The following VAV3 variants were observed in gnomAD, a reference collection of about 807,000 sequenced individuals.
VAV3 encodes vav guanine nucleotide exchange factor 3.
A neutral mutation model predicts 131.2 loss-of-function variants in VAV3; 94 were observed. That is an observed-to-expected ratio of 0.72 (90% CI 0.61 to 0.85). VAV3 has a LOEUF of 0.85. Among genes scored for constraint, VAV3 ranks in the 40% least tolerant of loss-of-function variants. The pLI, the probability that VAV3 is intolerant of heterozygous loss-of-function variation, is 0.00. For missense variants in VAV3, 939 were observed against 1,002.7 expected (o/e 0.94, Z 0.86); for synonymous variants, 349 against 342.0 (o/e 1.02, Z -0.22).
intron 2 of VAV3, among the ~76,000 whole-genome samples, chr1:107,829,915 G>A (rs1318946883): frequency 6.6e-6 from 1 of 152,022 alleles, no homozygotes; most frequent in Non-Finnish European, 1.5e-5. Flanking sequence ...CGAGAGATAA[G>A]ATATCTGCTA....
chr1:107,959,701 C>G (rs1283114773), intron 1 of VAV3, among the ~76,000 whole-genome samples: 1 of 152,048 alleles, frequency 6.6e-6, no homozygotes. Context: ...GTGGTATCAC[C>G]CAGTCTCATG....
chr1:107,946,842 C>T (rs1487386314), intron 1 of VAV3, among the ~76,000 whole-genome samples: 1 of 152,158 alleles, frequency 6.6e-6, no homozygotes, highest in Non-Finnish European at 1.5e-5. Flanking sequence ...GGGAAATAGA[C>T]ATTAATAACA....
In VAV3 at chr1:107,840,946, A is replaced by T. The variant is rs1668678003; in HGVS notation, c.321+33955T>A. Among the ~76,000 whole-genome samples, 3 of 152,238 alleles carry T rather than the reference A, an allele frequency of 2.0e-5. No homozygotes were observed. In the South Asian group the frequency reaches 6.2e-4, roughly 32 times the overall value. On this transcript the variant is annotated intron_variant, in intron 2 of 26. Coordinates refer to ENST00000370056, the MANE Select transcript of VAV3 (RefSeq NM_006113.5). Reference sequence around the variant, plus strand: ...TAAAAAAAAAAAAAATTCATCTGGCAATCAAATAGCTTATACGGGAAGGCT... The same window carrying T: ...TAAAAAAAAAAAAAATTCATCTGGCTATCAAATAGCTTATACGGGAAGGCT...
intron 1 of VAV3, among the ~76,000 whole-genome samples, chr1:107,941,481 T>G (rs775538935): frequency 6.6e-6 from 1 of 152,218 alleles, no homozygotes; most frequent in Non-Finnish European, 1.5e-5. Flanking sequence ...GAACTTCTTT[T>G]GATTCCAGAA....
chr1:107,792,204 T>C (rs1666322008), intron 2 of VAV3, among the ~76,000 whole-genome samples: 1 of 152,204 alleles, frequency 6.6e-6, no homozygotes, highest in Non-Finnish European at 1.5e-5. Flanking sequence ...ACCATCACAC[T>C]GCTAAAGCAA....
chr1:107,963,988 G>A (rs1305780021), intron 1 of VAV3, among the ~76,000 whole-genome samples: 11 of 152,234 alleles, frequency 7.2e-5, no homozygotes, highest in Non-Finnish European at 1.6e-4. Flanking sequence ...AGGAAGGAAA[G>A]CGGAATCTCT....
chr1:107,916,961 T>C (rs75598733), intron 1 of VAV3, among the ~76,000 whole-genome samples: 4,296 of 152,128 alleles, frequency 0.028, 99 homozygotes, highest in East Asian at 0.1. Context: ...GGATGTAAAG[T>C]GTGAAGGCAG....
chr1:107,889,688 A>T (rs1401385091), intron 1 of VAV3, among the ~76,000 whole-genome samples: 1 of 152,234 alleles, frequency 6.6e-6, no homozygotes, highest in African/African-American at 2.4e-5. Context: ...ATAACTACTG[A>T]AGAAATAGCC....
At chr1:107,630,734 T>C (rs1654403863) in intron 20 of VAV3, among the ~76,000 whole-genome samples, 1 of 152,166 alleles carries the variant, frequency 6.6e-6, no homozygotes, top group Non-Finnish European at 1.5e-5. Context: ...ATGTCTTCTT[T>C]GAGTATGAAA....
intron 2 of VAV3, among the ~76,000 whole-genome samples, chr1:107,784,980 C>T (rs1214562601): frequency 2.0e-5 from 3 of 152,172 alleles, no homozygotes; most frequent in South Asian, 2.1e-4. Context: ...ACATTTTCAA[C>T]CAATGATGAT....
intron 1 of VAV3, among the ~76,000 whole-genome samples, chr1:107,921,343 T>C (rs1032791456): frequency 6.6e-6 from 1 of 152,216 alleles, no homozygotes; most frequent in Non-Finnish European, 1.5e-5. Context: ...CACTGCATAA[T>C]ACTTCACTTA....
rs568119300 is a variant in VAV3 at position 107,597,281 on chromosome 1, C to G, written c.2221-940G>C. Among the ~76,000 whole-genome samples, 7 of 150,066 alleles carry G rather than the reference C, an allele frequency of 4.7e-5. No homozygotes were observed. The South Asian group carries it at 1.5e-3, about 32-fold the overall frequency. ...TTGTTTCTTCTAAAAATCCCACTGC[C>G]ATCAACTTAATATCTCTGTTCAGTG... On this transcript the variant is annotated intron_variant, in intron 24 of 26. Coordinates refer to ENST00000370056, the MANE Select transcript of VAV3 (RefSeq NM_006113.5).
intron 20 of VAV3, among the ~76,000 whole-genome samples, chr1:107,629,763 T>C (rs1265746015): frequency 1.3e-5 from 2 of 152,146 alleles, no homozygotes. Flanking sequence ...AGCCCATTCA[T>C]TCAATAGCAT....
intron 2 of VAV3, among the ~76,000 whole-genome samples, chr1:107,811,280 A>T (rs963860951): frequency 6.6e-6 from 1 of 152,180 alleles, no homozygotes; most frequent in African/African-American, 2.4e-5. Flanking sequence ...GATGCTTTAC[A>T]CTCACAGATG....
intron 1 of VAV3, among the ~76,000 whole-genome samples, chr1:107,875,785 G>A (rs1177237579): frequency 6.6e-6 from 1 of 152,194 alleles, no homozygotes; most frequent in Non-Finnish European, 1.5e-5. Flanking sequence ...GTGGAGGCAG[G>A]AAAACCAGAC....
At chr1:107,736,410 A>G (rs1488303493) in intron 15 of VAV3, among the ~76,000 whole-genome samples, 3 of 152,150 alleles carry the variant, frequency 2.0e-5, no homozygotes, top group South Asian at 2.1e-4. Flanking sequence ...AAAAGAGGAA[A>G]TCAAATTGTC....
At chr1:107,925,735 A>C (rs980559856) in intron 1 of VAV3, among the ~76,000 whole-genome samples, 1 of 152,132 alleles carries the variant, frequency 6.6e-6, no homozygotes, top group East Asian at 1.9e-4. Context: ...ATTTGGGAAG[A>C]TGAGCTCTGG....
In VAV3 at chr1:107,915,896, T is replaced by C. The variant is rs1219001923; in HGVS notation, c.205-40879A>G. On this transcript the variant is annotated intron_variant, in intron 1 of 26. Transcript: ENST00000370056. The stretch of plus-strand genomic sequence containing the variant: ...TCCTGCCCTCATGAAGCATGTGGTC[T>C]AGTAGGAAAATTAGACACTATACAA... Among the ~76,000 whole-genome samples the C allele has an allele frequency of 3.9e-5, 6 of 152,132 alleles. No individual in the cohort carries two copies. The South Asian group carries it at 1.0e-3, about 26-fold the overall frequency.
chr1:107,662,885 G>C (rs1657124975), intron 19 of VAV3, among the ~76,000 whole-genome samples: 1 of 152,144 alleles, frequency 6.6e-6, no homozygotes, highest in Non-Finnish European at 1.5e-5. Flanking sequence ...TCAGAAAGCA[G>C]AAATTCCCCA....
Sources: gnomAD v4.1 joint callset for allele counts (sites outside exome capture counted in the v4.1 genomes callset) on GRCh38, gnomAD v4.1.1 for gene constraint, MANE v1.5 for transcripts, NCBI Gene and HGNC (gene_info 2026-07-23, HGNC 2026-07-21) for gene names.